Variants in APBB2 observed in about 807,000 individuals in gnomAD.
APBB2 encodes the protein amyloid beta precursor protein binding family B member 2.
In APBB2, 38 loss-of-function variants were observed where a neutral mutation model predicts 82.5. The observed-to-expected ratio is 0.46, with a 90% CI of 0.36 to 0.60. The LOEUF (loss-of-function observed/expected upper bound fraction) is 0.60. APBB2 is among the 20% of genes least tolerant of loss of function. APBB2 has a pLI of 0.00. For missense variants in APBB2, 772 were observed against 972.3 expected (o/e 0.79, Z 2.74); for synonymous variants, 341 against 368.2 (o/e 0.93, Z 0.85).
At chr4:40,982,686 G>A (rs996204087) in intron 6 of APBB2, among the ~76,000 whole-genome samples, 4 of 151,996 alleles carry the variant, frequency 2.6e-5, no homozygotes, top group African/African-American at 7.3e-5. Context: ...AGCTACTTGT[G>A]AGGCTGAGGC....
At chr4:41,126,184 A>G (rs2154000668) in intron 2 of APBB2, among the ~76,000 whole-genome samples, 1 of 150,874 alleles carries the variant, frequency 6.6e-6, no homozygotes, top group South Asian at 2.1e-4. Flanking sequence ...GTTCAAGACC[A>G]GCCTGGGCAA....
At chr4:41,064,805 T>A (rs1174751469) in intron 4 of APBB2, among the ~76,000 whole-genome samples, 2 of 152,292 alleles carry the variant, frequency 1.3e-5, no homozygotes, top group Non-Finnish European at 2.9e-5. Flanking sequence ...AGGAACTCCC[T>A]CCCTAATACA....
chr4:41,046,594 T>C (rs1008371267), intron 4 of APBB2, among the ~76,000 whole-genome samples: 1 of 149,606 alleles, frequency 6.7e-6, no homozygotes, highest in African/African-American at 2.5e-5. Flanking sequence ...TTCTCCAGTT[T>C]AAAAAAAAAA....
At chr4:40,959,670 G>A (rs998415269) in intron 6 of APBB2, among the ~76,000 whole-genome samples, 3 of 152,098 alleles carry the variant, frequency 2.0e-5, no homozygotes, top group Admixed American at 6.5e-5. Flanking sequence ...TGAAGTGGGC[G>A]TCATGTTTTG....
At chr4:41,120,162 A>G (rs929154424) in intron 2 of APBB2, among the ~76,000 whole-genome samples, 2 of 151,690 alleles carry the variant, frequency 1.3e-5, no homozygotes, top group East Asian at 3.9e-4. Context: ...CTGTGTTTTC[A>G]CTCTCTCCAC....
At chr4:41,052,511 A>G (rs1453515732) in intron 4 of APBB2, among the ~76,000 whole-genome samples, 1 of 152,158 alleles carries the variant, frequency 6.6e-6, no homozygotes, top group African/African-American at 2.4e-5. Flanking sequence ...CGTAGACAAG[A>G]TCAAGCACTG....
chr4:41,081,830 T>C (rs2153933723), intron 3 of APBB2, among the ~76,000 whole-genome samples: 2 of 152,368 alleles, frequency 1.3e-5, no homozygotes, highest in South Asian at 4.1e-4. Flanking sequence ...GATCATAGAA[T>C]ATCAACTGAT....
intron 12 of APBB2, among the ~76,000 whole-genome samples, chr4:40,840,934 T>C (rs1383577848): frequency 6.6e-6 from 1 of 152,188 alleles, no homozygotes. Flanking sequence ...CTGGCTGTTA[T>C]TTTACATGAA....
At chr4:40,816,573 GGA>G (rs1745738874) in intron 17 of APBB2, among the ~76,000 whole-genome samples, 1 of 152,218 alleles carries the variant, frequency 6.6e-6, no homozygotes, top group African/African-American at 2.4e-5. Flanking sequence ...GAAAGGATTG[GGA>G]GAGAGTGTGT....
At chr4:40,863,803 G>A (rs957150421) in intron 12 of APBB2, among the ~76,000 whole-genome samples, 3 of 140,442 alleles carry the variant, frequency 2.1e-5, no homozygotes, top group Non-Finnish European at 3.0e-5. Context: ...TGAGGCATGA[G>A]AATTCACTTG....
At chr4:40,984,351 C>T (rs1226540038) in intron 6 of APBB2, among the ~76,000 whole-genome samples, 6 of 152,026 alleles carry the variant, frequency 3.9e-5, no homozygotes, top group African/African-American at 1.4e-4. Context: ...AGTCTTCCTT[C>T]TACCTTTCAG....
At chr4:40,944,821 T>C in intron 7 of APBB2, 44 bp downstream of exon 7, 1 of 1,593,648 alleles carries the variant, frequency 6.3e-7, no homozygotes, top group Non-Finnish European at 8.6e-7. Flanking sequence ...AAACCACAAG[T>C]TACATCTATT....
chr4:40,904,116 C>T (rs563346551), intron 10 of APBB2, among the ~76,000 whole-genome samples: 36 of 152,170 alleles, frequency 2.4e-4, no homozygotes, highest in Admixed American at 2.4e-3. Flanking sequence ...GGTCTTTTCA[C>T]CACCCAGGTT....
intron 1 of APBB2, among the ~76,000 whole-genome samples, chr4:41,160,921 A>T (rs898362892): frequency 3.3e-5 from 5 of 152,172 alleles, no homozygotes; most frequent in African/African-American, 1.2e-4. Flanking sequence ...CTTAATCCTT[A>T]TGACGACCCT....
At chr4:40,835,909 G>A (rs987253197) in intron 12 of APBB2, among the ~76,000 whole-genome samples, 1 of 152,188 alleles carries the variant, frequency 6.6e-6, no homozygotes, top group Non-Finnish European at 1.5e-5. Flanking sequence ...GGATGAGGGA[G>A]GCGATTAAGA....
At chr4:40,899,386 T>G (rs1774616340) in intron 10 of APBB2, among the ~76,000 whole-genome samples, 1 of 152,344 alleles carries the variant, frequency 6.6e-6, no homozygotes, top group South Asian at 2.1e-4. Context: ...CTATCTTAGT[T>G]GGAACACTCA....
Position 40,826,103 on chromosome 4 carries a change from G to A in APBB2, c.1733-133C>T, listed in dbSNP as rs970356780. On this transcript the variant is annotated intron_variant, in intron 14 of 17. Coordinates refer to ENST00000508593, the MANE Select transcript of APBB2 (RefSeq NM_004307.2). The surrounding 1 kb of genome is among the most constrained non-coding windows in gnomAD (Gnocchi z 4.5). Reference sequence around the variant, plus strand: ...ACGCCCTATGTTTCTGGATGTAAATGTAACAACTATTCTACAAGAGCAGCA... The same window carrying A: ...ACGCCCTATGTTTCTGGATGTAAATATAACAACTATTCTACAAGAGCAGCA... The A allele has an allele frequency of 5.7e-6, 4 of 704,712 alleles. No individual in the cohort carries two copies. The highest frequency in any genetic ancestry group is 3.6e-5 in the African/African-American group (2 of 56,082). 43.7% of individuals were successfully genotyped at this position (704,712 alleles called of 1,614,324 possible).
chr4:40,928,124 A>G (rs927615812), intron 10 of APBB2, among the ~76,000 whole-genome samples: 2 of 152,254 alleles, frequency 1.3e-5, no homozygotes, highest in Non-Finnish European at 2.9e-5. Context: ...ATGCGGCCTG[A>G]AGGGCAATCA....
At chr4:41,027,362 T>TACACAC (rs1208622695) in intron 5 of APBB2, among the ~76,000 whole-genome samples, 6 of 78,194 alleles carry the variant, frequency 7.7e-5, no homozygotes, top group African/African-American at 2.5e-4. Flanking sequence ...AACATATTGT[T>TACACAC]ACATATATAT....
Sources: allele counts gnomAD v4.1 joint callset (sites outside exome capture counted in the v4.1 genomes callset), GRCh38; gene constraint gnomAD v4.1.1; non-coding constraint Gnocchi (gnomAD v3.1); transcripts MANE v1.5; gene names NCBI Gene and HGNC (gene_info 2026-07-23, HGNC 2026-07-21).